Variants in ARSB observed in about 807,000 individuals in gnomAD.
The protein encoded by ARSB is arylsulfatase B, also known as N-acetylgalactosamine-4-sulfatase.
Under a neutral mutation model 50.9 loss-of-function variants are expected in ARSB, and 41 were observed. That is an observed-to-expected ratio of 0.81 (90% CI 0.63 to 1.04). The LOEUF is 1.04. Ranked by LOEUF, ARSB falls within the 50% of genes least tolerant of loss-of-function variation. The pLI, the probability that ARSB is intolerant of heterozygous loss-of-function variation, is 0.00. For synonymous variants in ARSB, 269 were observed against 284.8 expected (o/e 0.94, Z 0.56); for missense variants, 672 against 693.3 (o/e 0.97, Z 0.35).
chr5:78,964,281 A>T, intron 3 of ARSB, 135 bp downstream of exon 3: 2 of 863,304 alleles, frequency 2.3e-6, no homozygotes, highest in Non-Finnish European at 3.7e-6. Context: ...ATTCTGGGAT[A>T]CTGTATAATT....
At chr5:78,817,140 G>C in intron 6 of ARSB, 1 of 984,884 alleles carries the variant, frequency 1.0e-6, no homozygotes, top group Non-Finnish European at 1.2e-6. Flanking sequence ...TCTACTGGGA[G>C]AGATAAAGAA....
chr5:78,885,402 C>T (rs1460419054), intron 5 of ARSB, 182 bp downstream of exon 5: 1 of 898,364 alleles, frequency 1.1e-6, no homozygotes, highest in Non-Finnish European at 1.6e-6. Flanking sequence ...CCCACAATCT[C>T]AAATTTATAA....
intron 6 of ARSB, among the ~76,000 whole-genome samples, chr5:78,787,119 T>TATCTATCTATCTATCA (rs1370558846): frequency 6.6e-6 from 1 of 151,658 alleles, no homozygotes. Context: ...TCTATCTATC[T>TATCTATCTATCTATCA]ATCTATCTAT....
intron 5 of ARSB, among the ~76,000 whole-genome samples, chr5:78,863,762 TA>T (rs778018783): frequency 1.4e-4 from 21 of 150,962 alleles, no homozygotes; most frequent in South Asian, 2.1e-4. Flanking sequence ...ATAATAATAA[TA>T]AAAAAAAATA....
intron 6 of ARSB, among the ~76,000 whole-genome samples, chr5:78,812,592 A>C (rs371769152): frequency 6.9e-6 from 1 of 144,258 alleles, no homozygotes; most frequent in Non-Finnish European, 1.5e-5. Context: ...ATTCTGTTCA[A>C]ACACACACAC....
chr5:78,907,634 T>G (rs2112299545), intron 4 of ARSB, among the ~76,000 whole-genome samples: 1 of 152,338 alleles, frequency 6.6e-6, no homozygotes, highest in South Asian at 2.1e-4. Context: ...TTATATTTTT[T>G]AAAATTTTGT....
chr5:78,892,630 C>T (rs190161032), intron 4 of ARSB, among the ~76,000 whole-genome samples: 36 of 152,266 alleles, frequency 2.4e-4, no homozygotes, highest in African/African-American at 8.2e-4. Flanking sequence ...TTGTTACTAT[C>T]AGGGGAGAGC....
chr5:78,823,760 T>C (rs1489299544), intron 6 of ARSB, among the ~76,000 whole-genome samples: 1 of 152,218 alleles, frequency 6.6e-6, no homozygotes, highest in African/African-American at 2.4e-5. Context: ...TATCTTAAAC[T>C]TTTTTTCAGC....
chr5:78,823,942 T>C (rs955724249), intron 6 of ARSB, among the ~76,000 whole-genome samples: 1 of 151,752 alleles, frequency 6.6e-6, no homozygotes, highest in Non-Finnish European at 1.5e-5. Context: ...TGAAATGTGA[T>C]CCCCAATGTT....
At chr5:78,827,508 G>C (rs1262003854) in intron 6 of ARSB, among the ~76,000 whole-genome samples, 1 of 152,158 alleles carries the variant, frequency 6.6e-6, no homozygotes, top group Non-Finnish European at 1.5e-5. Context: ...ACTGTGCCCA[G>C]CCCCTCCTGC....
chr5:78,985,336 TCCGCCCCGGCGCGGGACGGCA>T, upstream of ARSB: 6 of 1,156,408 alleles, frequency 5.2e-6, no homozygotes, highest in Non-Finnish European at 6.5e-6. Flanking sequence ...CGGGGCCTGC[TCCGCCCCGGCGCGGGACGGCA>T]CCCCCAGCGG....
intron 5 of ARSB, among the ~76,000 whole-genome samples, chr5:78,867,856 A>C (rs201821138): frequency 0.024 from 3,574 of 147,124 alleles, 106 homozygotes; most frequent in South Asian, 0.1. Context: ...AGACGATCAA[A>C]TTACTCTGAG....
At chr5:78,942,419 T>C (rs1750983138) in intron 4 of ARSB, among the ~76,000 whole-genome samples, 1 of 152,226 alleles carries the variant, frequency 6.6e-6, no homozygotes, top group Admixed American at 6.5e-5. Context: ...CGTGGGCATT[T>C]AGTGCTACAA....
intron 4 of ARSB, among the ~76,000 whole-genome samples, chr5:78,944,660 C>T (rs1357823888): frequency 2.6e-5 from 4 of 152,154 alleles, no homozygotes; most frequent in African/African-American, 2.4e-5. Context: ...GAGGGTTACC[C>T]GGCCATGTGA....
chr5:78,925,357 A>G (rs1205553115), intron 4 of ARSB, among the ~76,000 whole-genome samples: 1 of 152,210 alleles, frequency 6.6e-6, no homozygotes, highest in East Asian at 1.9e-4. Flanking sequence ...AGTCATATAC[A>G]GCAATAAAAC....
intron 6 of ARSB, among the ~76,000 whole-genome samples, chr5:78,782,687 T>C (rs547504991): frequency 2.0e-5 from 3 of 152,196 alleles, no homozygotes; most frequent in African/African-American, 7.2e-5. Context: ...AGGTAGAAGA[T>C]AGACAGATGG....
chr5:78,905,636 T>G (rs1749026499), intron 4 of ARSB, among the ~76,000 whole-genome samples: 1 of 152,118 alleles, frequency 6.6e-6, no homozygotes, highest in South Asian at 2.1e-4. Flanking sequence ...CACATGGCAG[T>G]TGAGTTTTCG....
At chr5:78,817,443 C>CGTAG (rs1744039259) in intron 6 of ARSB, among the ~76,000 whole-genome samples, 1 of 95,890 alleles carries the variant, frequency 1.0e-5, no homozygotes, top group African/African-American at 4.1e-5. Context: ...AGAATATCTA[C>CGTAG]AGTCAGGTCT....
chr5:78,834,134 A>G (rs1744821281), intron 6 of ARSB, among the ~76,000 whole-genome samples: 1 of 152,182 alleles, frequency 6.6e-6, no homozygotes, highest in South Asian at 2.1e-4. Flanking sequence ...GTTCTGTGCT[A>G]CGGAGACCTT....
Sources: allele counts gnomAD v4.1 joint callset (sites outside exome capture counted in the v4.1 genomes callset), GRCh38; gene constraint gnomAD v4.1.1; transcripts MANE v1.5; gene names NCBI Gene and HGNC (gene_info 2026-07-23, HGNC 2026-07-21).